CWC27: variants seen among roughly 807,000 people sequenced by gnomAD.
The protein encoded by CWC27 is CWC27 spliceosome associated cyclophilin.
In CWC27, 47 loss-of-function variants were observed where a neutral mutation model predicts 63.6. The observed-to-expected ratio is 0.74, with a 90% CI of 0.58 to 0.94. The LOEUF (loss-of-function observed/expected upper bound fraction) is 0.94, where lower values mean the gene tolerates loss of function less well. Ranked by LOEUF, CWC27 falls within the 40% of genes least tolerant of loss-of-function variation. The pLI is 0.00. For synonymous variants in CWC27, 175 were observed against 179.8 expected (o/e 0.97, Z 0.22); for missense variants, 495 against 554.3 (o/e 0.89, Z 1.07).
chr5:64,800,077 A>G (rs1744435354), intron 7 of CWC27, among the ~76,000 whole-genome samples, 171 bp from the exon 8 acceptor site: 1 of 152,214 alleles, frequency 6.6e-6, no homozygotes, highest in South Asian at 2.1e-4. Context: ...TTCAGTCAAT[A>G]GAAGAGTAAG....
chr5:64,794,355 A>G (rs184044145), intron 7 of CWC27, among the ~76,000 whole-genome samples: 228 of 152,254 alleles, frequency 1.5e-3, no homozygotes, highest in Middle Eastern at 0.014. Context: ...TTGAACTAGT[A>G]ATTTGAAATG....
intron 13 of CWC27, among the ~76,000 whole-genome samples, chr5:64,997,024 G>C (rs943781775): frequency 3.9e-5 from 6 of 152,096 alleles, no homozygotes; most frequent in African/African-American, 1.4e-4. Context: ...AACTGTCTAA[G>C]TCCCCTTTAA....
At chr5:64,888,338 T>C (rs1747126740) in intron 11 of CWC27, among the ~76,000 whole-genome samples, 1 of 146,946 alleles carries the variant, frequency 6.8e-6, no homozygotes, top group Admixed American at 6.8e-5. Flanking sequence ...TAACTATATA[T>C]AGTATAATAA....
chr5:64,789,844 T>C (rs1253577110), intron 7 of CWC27, among the ~76,000 whole-genome samples: 1 of 152,186 alleles, frequency 6.6e-6, no homozygotes, highest in Non-Finnish European at 1.5e-5. Context: ...ATAGTCTTTA[T>C]TGTTGTAATT....
At chr5:64,789,480 A>G (rs557174359) in intron 7 of CWC27, among the ~76,000 whole-genome samples, 1 of 152,250 alleles carries the variant, frequency 6.6e-6, no homozygotes, top group Admixed American at 6.5e-5. Context: ...ACTCATGAAT[A>G]CATTCAGCTA....
intron 11 of CWC27, among the ~76,000 whole-genome samples, chr5:64,943,500 G>GC (rs1249624165): frequency 2.0e-5 from 3 of 152,118 alleles, no homozygotes; most frequent in East Asian, 3.9e-4. Flanking sequence ...CTATTTACAT[G>GC]CTGGTATATA....
chr5:64,895,896 T>C (rs1341016892), intron 11 of CWC27, among the ~76,000 whole-genome samples: 1 of 152,090 alleles, frequency 6.6e-6, no homozygotes, highest in Admixed American at 6.6e-5. Context: ...AAAAACAGAT[T>C]GGAAACCTGG....
At chr5:64,799,801 C>T (rs1476619039) in intron 7 of CWC27, among the ~76,000 whole-genome samples, 1 of 151,626 alleles carries the variant, frequency 6.6e-6, no homozygotes, top group African/African-American at 2.4e-5. Context: ...GTAAGTAGTT[C>T]CTCGGGGATG....
At chr5:64,893,709 A>G (rs1747297772) in intron 11 of CWC27, among the ~76,000 whole-genome samples, 1 of 152,200 alleles carries the variant, frequency 6.6e-6, no homozygotes, top group Non-Finnish European at 1.5e-5. Context: ...ACCTATTTTG[A>G]TATACAAAAA....
chr5:64,842,686 G>A (rs777672210), intron 10 of CWC27, among the ~76,000 whole-genome samples: 1 of 151,518 alleles, frequency 6.6e-6, no homozygotes, highest in African/African-American at 2.4e-5. Flanking sequence ...TGCAGCCTCC[G>A]CTTCCCAGGC....
At chr5:64,799,778 TTTG>T (rs1210150049) in intron 7 of CWC27, among the ~76,000 whole-genome samples, 4 of 151,984 alleles carry the variant, frequency 2.6e-5, no homozygotes, top group Admixed American at 1.3e-4. Flanking sequence ...TATATCTTTT[TTTG>T]TTGTTGTTGG....
At chr5:64,966,295 C>T (rs1749011236) in intron 11 of CWC27, among the ~76,000 whole-genome samples, 4 of 152,040 alleles carry the variant, frequency 2.6e-5, no homozygotes, top group Admixed American at 2.6e-4. Context: ...ACAAGCTTGA[C>T]TTGTGCAAGA....
intron 11 of CWC27, among the ~76,000 whole-genome samples, chr5:64,945,179 T>C (rs151023104): frequency 1.2e-3 from 188 of 152,278 alleles, no homozygotes; most frequent in African/African-American, 4.3e-3. Flanking sequence ...AATGAGACTT[T>C]CTTTGACCAC....
intron 10 of CWC27, among the ~76,000 whole-genome samples, chr5:64,849,493 G>T (rs534944318): frequency 6.6e-6 from 1 of 152,152 alleles, no homozygotes; most frequent in African/African-American, 2.4e-5. Context: ...GATCATGGGG[G>T]TGGTTTCTCA....
intron 13 of CWC27, among the ~76,000 whole-genome samples, chr5:64,999,484 C>G (rs1416090147): frequency 6.6e-6 from 1 of 152,022 alleles, no homozygotes; most frequent in African/African-American, 2.4e-5. Context: ...CTCTCTTTAT[C>G]CTCTCCACAC....
At chr5:64,798,874 C>T (rs1744373593) in intron 7 of CWC27, among the ~76,000 whole-genome samples, 1 of 152,174 alleles carries the variant, frequency 6.6e-6, no homozygotes, top group Admixed American at 6.5e-5. Flanking sequence ...TCTGTCAACT[C>T]TAATCTCTTA....
intron 11 of CWC27, among the ~76,000 whole-genome samples, chr5:64,927,611 C>T (rs926543900): frequency 6.6e-6 from 1 of 151,544 alleles, no homozygotes; most frequent in African/African-American, 2.4e-5. Flanking sequence ...GGAACTTTCC[C>T]TTCTCCTTCT....
At chr5:64,801,529 G>A (rs1252345340) in intron 9 of CWC27, among the ~76,000 whole-genome samples, 197 bp downstream of exon 9, 2 of 152,046 alleles carry the variant, frequency 1.3e-5, no homozygotes, top group South Asian at 2.1e-4. Flanking sequence ...GTGCGTGTGT[G>A]TGTGTGTATA....
At chr5:64,926,444 A>T (rs894282586) in intron 11 of CWC27, among the ~76,000 whole-genome samples, 3 of 151,674 alleles carry the variant, frequency 2.0e-5, no homozygotes, top group Non-Finnish European at 4.4e-5. Flanking sequence ...TGCTTGCTGT[A>T]CATTAGGATT....
Sources: gnomAD v4.1 joint callset for allele counts (sites outside exome capture counted in the v4.1 genomes callset) on GRCh38, gnomAD v4.1.1 for gene constraint, MANE v1.5 for transcripts, NCBI Gene and HGNC (gene_info 2026-07-23, HGNC 2026-07-21) for gene names.